Variants in PACRG observed in about 807,000 individuals in gnomAD.
PACRG encodes the protein parkin coregulated, also known as parkin coregulated gene protein.
Under a neutral mutation model 29.7 loss-of-function variants are expected in PACRG, and 29 were observed. The ratio of observed to expected loss-of-function variants is 0.98; its 90% confidence interval spans 0.73 to 1.33. The LOEUF (loss-of-function observed/expected upper bound fraction) is 1.33, where lower values mean the gene tolerates loss of function less well. Ranked by LOEUF, PACRG falls within the 40% of genes most tolerant of loss-of-function variation. The pLI is 0.00. For synonymous variants in PACRG, 116 were observed against 118.7 expected, an observed-to-expected ratio of 0.98 and a Z score of 0.15; for missense variants, 279 against 316.2, an observed-to-expected ratio of 0.88 and a Z score of 0.89.
chr6:163,050,593 A>C (rs1809900423), intron 2 of PACRG, among the ~76,000 whole-genome samples: 1 of 152,208 alleles, frequency 6.6e-6, no homozygotes, highest in Non-Finnish European at 1.5e-5. Context: ...CCAGGGGTTA[A>C]AAAAATACCC....
chr6:163,227,952 C>A (rs1585350652), intron 4 of PACRG, among the ~76,000 whole-genome samples: 2 of 152,054 alleles, frequency 1.3e-5, no homozygotes, highest in African/African-American at 4.8e-5. Context: ...ACTAATGAAG[C>A]TTTTAAAAAT....
rs398003265 is a variant in PACRG, at chr6:163,177,710, ATTTTTTTT to A, written c.613+88322_613+88329del. Among the ~76,000 whole-genome samples, 55 of 53,746 alleles carry A rather than the reference ATTTTTTTT, an allele frequency of 1.0e-3. 1 individual carries two copies. Among genetic ancestry groups the A allele is most frequent in the East Asian group, 7.2e-3 (10 of 1,382 alleles). 35.3% of individuals were successfully genotyped at this position (53,746 alleles called of 152,430 possible). On this transcript the variant is annotated intron_variant, in intron 4 of 4. Transcript: ENST00000366888. The stretch of plus-strand genomic sequence containing the variant: ...TGTTAGCTAAGAAATTAGAAAAGGG[ATTTTTTTT>A]TTTTTTTTTTTTTTTTTTTGCGGGT...
At chr6:163,192,653 C>CT (rs60416074) in intron 4 of PACRG, among the ~76,000 whole-genome samples, 3 of 151,968 alleles carry the variant, frequency 2.0e-5, no homozygotes, top group Admixed American at 6.6e-5. Flanking sequence ...ATTTTAAATA[C>CT]TTTTTTTTAT....
intron 3 of PACRG, among the ~76,000 whole-genome samples, chr6:163,079,887 A>ATTTTTTTT (rs1585165556): frequency 8.7e-6 from 1 of 115,200 alleles, no homozygotes; most frequent in Non-Finnish European, 1.7e-5. Flanking sequence ...TGTAGCAGTC[A>ATTTTTTTT]TTCTTTTTTT....
chr6:162,916,933 C>T (rs543049380), intron 2 of PACRG, among the ~76,000 whole-genome samples: 37 of 152,134 alleles, frequency 2.4e-4, no homozygotes, highest in Middle Eastern at 3.4e-3. Context: ...GCCAAACTTA[C>T]GGTTTCTAGT....
chr6:163,285,807 A>C (rs1200615281), intron 4 of PACRG, among the ~76,000 whole-genome samples: 2 of 152,196 alleles, frequency 1.3e-5, no homozygotes, highest in African/African-American at 4.8e-5. Flanking sequence ...AGATGACAGC[A>C]TCTAGCAAAG....
chr6:163,167,205 C>A (rs1455013418), intron 4 of PACRG, among the ~76,000 whole-genome samples: 1 of 152,150 alleles, frequency 6.6e-6, no homozygotes, highest in African/African-American at 2.4e-5. Context: ...CAGAAGAAAC[C>A]TTAAGCTTAT....
At chr6:162,941,784 G>A (rs977303036) in intron 2 of PACRG, among the ~76,000 whole-genome samples, 2 of 152,104 alleles carry the variant, frequency 1.3e-5, no homozygotes, top group African/African-American at 4.8e-5. Context: ...AATTTAAAAT[G>A]TAGTGGCTGA....
upstream of PACRG, chr6:162,727,743 A>G (rs751054800): frequency 2.7e-5 from 40 of 1,472,848 alleles, no homozygotes; most frequent in Non-Finnish European, 3.2e-5. Flanking sequence ...GCCTCCCACC[A>G]GCGGCTCTCC....
intron 1 of PACRG, among the ~76,000 whole-genome samples, chr6:162,751,452 C>G (rs1781508281): frequency 6.6e-6 from 1 of 151,962 alleles, no homozygotes. Flanking sequence ...TAATTAAATA[C>G]CATTCATCTA....
chr6:162,983,131 T>C (rs9456827), intron 2 of PACRG, among the ~76,000 whole-genome samples: 2,769 of 152,056 alleles, frequency 0.018, 93 homozygotes, highest in African/African-American at 0.063. Flanking sequence ...TCCTCCTGCT[T>C]GCTTTTGGTT....
At chr6:162,830,370 T>C (rs953466158) in intron 2 of PACRG, among the ~76,000 whole-genome samples, 3 of 152,192 alleles carry the variant, frequency 2.0e-5, no homozygotes, top group Non-Finnish European at 4.4e-5. Context: ...GCTCCAGCCA[T>C]ACTGGCTTCC....
At chr6:163,104,164 T>C (rs138905863) in intron 4 of PACRG, among the ~76,000 whole-genome samples, 1 of 152,344 alleles carries the variant, frequency 6.6e-6, no homozygotes, top group Non-Finnish European at 1.5e-5. Flanking sequence ...TTTCATATCA[T>C]CAATTTCTAT....
intron 2 of PACRG, among the ~76,000 whole-genome samples, chr6:162,835,977 T>G (rs1381255009): frequency 1.3e-5 from 2 of 152,162 alleles, no homozygotes; most frequent in Admixed American, 1.3e-4. Context: ...TTCCTTTGTT[T>G]TGGTCAGTTT....
At chr6:162,855,309 C>A (rs1380128573) in intron 2 of PACRG, among the ~76,000 whole-genome samples, 1 of 152,204 alleles carries the variant, frequency 6.6e-6, no homozygotes, top group East Asian at 1.9e-4. Context: ...TGATTTATGA[C>A]ACTGATGAAA....
At chr6:163,145,902 G>T (rs954815983) in intron 4 of PACRG, among the ~76,000 whole-genome samples, 2 of 152,168 alleles carry the variant, frequency 1.3e-5, no homozygotes, top group Non-Finnish European at 2.9e-5. Flanking sequence ...GAGATGAGAG[G>T]CGGTGAGGAG....
chr6:162,818,539 G>A (rs760995773), intron 2 of PACRG, among the ~76,000 whole-genome samples: 1 of 152,044 alleles, frequency 6.6e-6, no homozygotes, highest in African/African-American at 2.4e-5. Flanking sequence ...GTTTTGAAAC[G>A]GTCTCTTCAA....
intron 4 of PACRG, among the ~76,000 whole-genome samples, chr6:163,103,411 G>A (rs1008197050): frequency 6.6e-6 from 1 of 152,122 alleles, no homozygotes; most frequent in African/African-American, 2.4e-5. Context: ...CCCTTCTGCC[G>A]CATCTCATCT....
At chr6:162,881,689 A>G (rs546429452) in intron 2 of PACRG, among the ~76,000 whole-genome samples, 13 of 146,738 alleles carry the variant, frequency 8.9e-5, no homozygotes, top group African/African-American at 2.8e-4. Flanking sequence ...ACACTCTCCA[A>G]CAATACCAGA....
Sources: gnomAD v4.1 joint callset for allele counts (sites outside exome capture counted in the v4.1 genomes callset) on GRCh38, gnomAD v4.1.1 for gene constraint, MANE v1.5 for transcripts, NCBI Gene and HGNC (gene_info 2026-07-23, HGNC 2026-07-21) for gene names.